SGSM1: variants seen among roughly 807,000 people sequenced by gnomAD.
SGSM1 encodes RUN and TBC1 domain containing 2.
Under a neutral mutation model 133.8 loss-of-function variants are expected in SGSM1, and 73 were observed. That is an observed-to-expected ratio of 0.55 (90% CI 0.45 to 0.66). The LOEUF is 0.66. Among genes scored for constraint, SGSM1 ranks in the 30% least tolerant of loss-of-function variants. The pLI is 0.00. For synonymous variants in SGSM1, 563 were observed against 573.0 expected (o/e 0.98, Z 0.25); for missense variants, 1,213 against 1,448.1 (o/e 0.84, Z 2.64).
chr22:24,900,084 C>T (rs5760716), intron 19 of SGSM1, among the ~76,000 whole-genome samples: 48,062 of 148,434 alleles, frequency 0.32, 7,866 homozygotes, highest in East Asian at 0.53. Context: ...AGGGCAGTGG[C>T]GCAATCACTG....
At chr22:24,923,348 T>A (rs1934079457) in intron 24 of SGSM1, among the ~76,000 whole-genome samples, 1 of 142,146 alleles carries the variant, frequency 7.0e-6, no homozygotes, top group African/African-American at 2.5e-5. Context: ...TTAGTTTTAG[T>A]GTTTTTCTTT....
At position 24,924,639 on chromosome 22, in the gene SGSM1, G is replaced by A. The variant is rs930455754; in HGVS notation, c.*365G>A. 8 of 258,926 alleles carry A rather than the reference G, an allele frequency of 3.1e-5. No homozygotes were observed. The highest frequency in any genetic ancestry group is 6.0e-5 in the Non-Finnish European group (8 of 133,960). The allele number at this position is 258,926 out of a possible 1,614,324, so 16.0% of individuals were successfully genotyped here. A position where few individuals can be genotyped will look rare whatever the true frequency, so the allele number is the denominator to read the frequency against. ...AACTGTCTTGTAAGATGAGACCTGGGGAGGAAACTTCTTTTTGGAAATTGG... is the reference window on the plus strand; with the variant it reads ...AACTGTCTTGTAAGATGAGACCTGGAGAGGAAACTTCTTTTTGGAAATTGG... On this transcript the variant is annotated 3_prime_UTR_variant, in exon 25 of 25. Coordinates refer to ENST00000400358, the MANE Select transcript of SGSM1 (RefSeq NM_001098497.3).
intron 3 of SGSM1, among the ~76,000 whole-genome samples, chr22:24,846,706 C>G (rs1340832816): frequency 6.6e-6 from 1 of 152,164 alleles, no homozygotes; most frequent in African/African-American, 2.4e-5. Context: ...ATAGTCAGTT[C>G]ACTTACATCG....
chr22:24,869,631 T>TG (rs1378443940), intron 12 of SGSM1, among the ~76,000 whole-genome samples: 1 of 152,244 alleles, frequency 6.6e-6, no homozygotes, highest in African/African-American at 2.4e-5. Flanking sequence ...TTTATAAAGA[T>TG]TCAATGAGAT....
rs1372292582 is a variant in SGSM1, at chr22:24,859,739, A to G, written c.825A>G (p.Pro275=). ...AGAGGGACGACATGGAGGCTGTGCCAGGGTACCTGTCCCTGCACCAGACGG... is the reference window on the plus strand; with the variant it reads ...AGAGGGACGACATGGAGGCTGTGCCGGGGTACCTGTCCCTGCACCAGACGG... The part of the protein sequence containing the change: ...VQPRDDMEAV[P]GYLSLHQTAD... The change falls in exon 9 of 25, where the codon CCA becomes CCG. Residue 275 remains proline, a synonymous_variant. Coordinates refer to ENST00000400358, the MANE Select transcript of SGSM1 (RefSeq NM_001098497.3). The G allele has an allele frequency of 6.2e-7, 1 of 1,613,940 alleles. No homozygotes were observed. The highest frequency in any genetic ancestry group is 8.5e-7 in the Non-Finnish European group (1 of 1,179,872).
At chr22:24,891,494 T>C (rs1932813555) in intron 16 of SGSM1, among the ~76,000 whole-genome samples, 1 of 152,114 alleles carries the variant, frequency 6.6e-6, no homozygotes. Context: ...GTTTCTGTAG[T>C]TCTGTATTAT....
intron 2 of SGSM1, among the ~76,000 whole-genome samples, chr22:24,830,640 A>G (rs1243803480): frequency 1.6e-5 from 1 of 62,984 alleles, no homozygotes; most frequent in Non-Finnish European, 3.7e-5. Context: ...ATTGGGAACC[A>G]GGAACCATCA....
intron 2 of SGSM1, among the ~76,000 whole-genome samples, chr22:24,819,968 G>A (rs1426119289): frequency 1.3e-5 from 2 of 152,090 alleles, no homozygotes; most frequent in African/African-American, 2.4e-5. Context: ...CCAAGTCTTC[G>A]TGTATCTTCC....
At chr22:24,860,774 C>A (rs2147861837) in intron 9 of SGSM1, among the ~76,000 whole-genome samples, 1 of 150,352 alleles carries the variant, frequency 6.7e-6, no homozygotes, top group African/African-American at 2.4e-5. Context: ...GTGGCACACA[C>A]CTGTAGTCCC....
rs545517558 is a variant in SGSM1 at position 24,886,587 on chromosome 22, C to T, written c.1642-13C>T. ...TGTTGACCAAACTCTTTGCTCCTCT[C>T]CACCCACCACAGAGTTACGAGGAGC... On this transcript the variant is annotated splice_polypyrimidine_tract_variant and intron_variant, in intron 15 of 24. Coordinates refer to ENST00000400358, the MANE Select transcript of SGSM1 (RefSeq NM_001098497.3). 6.4e-7 allele frequency: 1 copy of T among 1,551,422 alleles called. No individual in the cohort carries two copies. The highest frequency in any genetic ancestry group is 2.4e-5 in the East Asian group (1 of 40,912).
At chr22:24,856,096 C>T (rs1353554159) in intron 8 of SGSM1, 6 of 368,964 alleles carry the variant, frequency 1.6e-5, no homozygotes, top group South Asian at 1.2e-4. Flanking sequence ...CATCTCTTCA[C>T]TCACCTGCAT....
chr22:24,872,685 G>A (rs187460752), intron 12 of SGSM1, among the ~76,000 whole-genome samples: 75 of 152,230 alleles, frequency 4.9e-4, no homozygotes, highest in African/African-American at 1.7e-3. Flanking sequence ...TTGCGGGGCC[G>A]AGGCAGGCAG....
chr22:24,870,867 T>C (rs1231869536), intron 12 of SGSM1, among the ~76,000 whole-genome samples: 3 of 152,182 alleles, frequency 2.0e-5, no homozygotes, highest in African/African-American at 7.2e-5. Flanking sequence ...CATGGGAGAT[T>C]AAGCACAGTT....
intron 2 of SGSM1, among the ~76,000 whole-genome samples, chr22:24,842,671 C>T (rs1929874263): frequency 6.6e-6 from 1 of 152,166 alleles, no homozygotes; most frequent in Admixed American, 6.5e-5. Context: ...GTTTCAAGAG[C>T]AGCTTCTCTA....
At chr22:24,813,431 C>T (rs1249859097) in intron 2 of SGSM1, among the ~76,000 whole-genome samples, 2 of 152,192 alleles carry the variant, frequency 1.3e-5, no homozygotes, top group Non-Finnish European at 2.9e-5. Context: ...CTAAGCTTTT[C>T]CATTCTTGGG....
At chr22:24,892,234 T>C (rs757717032) in intron 16 of SGSM1, among the ~76,000 whole-genome samples, 3 of 152,030 alleles carry the variant, frequency 2.0e-5, no homozygotes, top group Non-Finnish European at 4.4e-5. Flanking sequence ...GCGAGGCCCT[T>C]GGGCAGGATG....
At chr22:24,811,429 C>T (rs941867875) in intron 2 of SGSM1, among the ~76,000 whole-genome samples, 7 of 137,526 alleles carry the variant, frequency 5.1e-5, no homozygotes, top group South Asian at 2.7e-4. Context: ...AGTCTAAAGC[C>T]GGGGTGGGGG....
intron 22 of SGSM1, among the ~76,000 whole-genome samples, chr22:24,916,606 G>A (rs972711919): frequency 2.0e-5 from 3 of 152,092 alleles, no homozygotes; most frequent in Non-Finnish European, 4.4e-5. Flanking sequence ...GCTGAGGCAC[G>A]AGAATCGCTT....
At chr22:24,884,344 T>C in intron 15 of SGSM1, 146 bp downstream of exon 15, 1 of 1,087,202 alleles carries the variant, frequency 9.2e-7, no homozygotes, top group South Asian at 1.7e-5. Flanking sequence ...CCCCTTCTCC[T>C]TGAGAGTTCC....
Sources: gnomAD v4.1 joint callset for allele counts (sites outside exome capture counted in the v4.1 genomes callset) on GRCh38, gnomAD v4.1.1 for gene constraint, MANE v1.5 for transcripts, NCBI Gene and HGNC (gene_info 2026-07-23, HGNC 2026-07-21) for gene names.